The following CUL3 variants were observed in gnomAD, a reference collection of about 807,000 sequenced individuals.
CUL3 encodes cullin-3.
Under a neutral mutation model 89.1 loss-of-function variants are expected in CUL3, and 19 were observed. The ratio of observed to expected loss-of-function variants is 0.21; its 90% CI spans 0.15 to 0.31. The LOEUF (loss-of-function observed/expected upper bound fraction) is 0.31, where lower values mean the gene tolerates loss of function less well. Among genes scored for constraint, CUL3 ranks in the 10% least tolerant of loss-of-function variants. CUL3 has a pLI of 1.00. For missense variants in CUL3, 469 were observed against 942.3 expected (o/e 0.50, Z 6.58); for synonymous variants, 351 against 308.4 (o/e 1.14, Z -1.45).
chr2:224,513,554 A>G lies in CUL3; in HGVS notation c.624T>C (p.Pro208=), dbSNP rs1692921196. The change falls in exon 5 of 16, where the codon CCT becomes CCC. Residue 208 remains proline, a synonymous_variant. Transcript: ENST00000264414. The part of the protein sequence containing the change: ...RSVYEEDFEA[P]FLEMSAEFFQ... ...AAAATTCTGCAGACATTTCCAAAAA[A>G]GGAGCCTCAAAATCTTCTTCATAGA... The G allele has an allele frequency of 6.3e-7, 1 of 1,598,392 alleles. No homozygotes were observed. The highest frequency in any genetic ancestry group is 8.5e-7 in the Non-Finnish European group (1 of 1,175,586).
At chr2:224,509,933 T>C (rs1176266900) in intron 6 of CUL3, among the ~76,000 whole-genome samples, 2 of 152,352 alleles carry the variant, frequency 1.3e-5, no homozygotes, top group Admixed American at 6.5e-5. Flanking sequence ...CATCTATTTA[T>C]GTACAGCTCA....
intron 13 of CUL3, among the ~76,000 whole-genome samples, chr2:224,488,574 T>C (rs1691831450): frequency 6.6e-6 from 1 of 152,142 alleles, no homozygotes; most frequent in South Asian, 2.1e-4. Flanking sequence ...AGGAAGAAGT[T>C]GAATCCCTGA....
chr2:224,567,451 A>G (rs1695069361), intron 1 of CUL3, among the ~76,000 whole-genome samples: 1 of 151,926 alleles, frequency 6.6e-6, no homozygotes, highest in African/African-American at 2.4e-5. Flanking sequence ...TAAAACTTCT[A>G]GGCTTCGGCC....
intron 8 of CUL3, among the ~76,000 whole-genome samples, chr2:224,504,643 G>A (rs1429453730): frequency 6.6e-6 from 1 of 152,134 alleles, no homozygotes; most frequent in African/African-American, 2.4e-5. Flanking sequence ...AGGATTCTGT[G>A]GCAGGTTGTA....
chr2:224,503,418 C>T (rs1692466918), intron 9 of CUL3, among the ~76,000 whole-genome samples: 1 of 152,202 alleles, frequency 6.6e-6, no homozygotes, highest in South Asian at 2.1e-4. Context: ...ATCCTCCCTT[C>T]CAGGCCTCCA....
At chr2:224,484,140 C>A (rs1691633662) in intron 13 of CUL3, among the ~76,000 whole-genome samples, 1 of 152,010 alleles carries the variant, frequency 6.6e-6, no homozygotes, top group Admixed American at 6.6e-5. Context: ...CACTGCACTC[C>A]AGTCTGGGCA....
At chr2:224,556,706 T>G (rs980557086) in intron 2 of CUL3, among the ~76,000 whole-genome samples, 4 of 152,158 alleles carry the variant, frequency 2.6e-5, no homozygotes, top group Non-Finnish European at 4.4e-5. Flanking sequence ...TTTTGATCAT[T>G]GTTCTTTGGT....
intron 4 of CUL3, among the ~76,000 whole-genome samples, chr2:224,513,866 T>C (rs977484606): frequency 6.6e-6 from 1 of 152,212 alleles, no homozygotes; most frequent in African/African-American, 2.4e-5. Flanking sequence ...TACTCTAAAA[T>C]GTCTAAATAT....
intron 1 of CUL3, among the ~76,000 whole-genome samples, chr2:224,571,085 C>A (rs1695170605): frequency 6.6e-6 from 1 of 152,146 alleles, no homozygotes; most frequent in Non-Finnish European, 1.5e-5. Flanking sequence ...TAAGTACTCT[C>A]ACTGAGGTAA....
At chr2:224,512,915 G>A (rs970573119) in intron 5 of CUL3, among the ~76,000 whole-genome samples, 1 of 152,100 alleles carries the variant, frequency 6.6e-6, no homozygotes, top group African/African-American at 2.4e-5. Flanking sequence ...TCCATGAAGT[G>A]GATTTTCTTC....
At chr2:224,548,218 T>A (rs1247610204) in intron 2 of CUL3, among the ~76,000 whole-genome samples, 3 of 152,186 alleles carry the variant, frequency 2.0e-5, no homozygotes, top group Non-Finnish European at 2.9e-5. Context: ...TCCAAGTATG[T>A]AAGTCTAAAA....
chr2:224,578,484 A>T (rs1695361792), intron 1 of CUL3, among the ~76,000 whole-genome samples: 1 of 152,078 alleles, frequency 6.6e-6, no homozygotes, highest in South Asian at 2.1e-4. Context: ...TTATTTCCCT[A>T]CTTGTACATT....
At chr2:224,553,159 T>A (rs1054315885) in intron 2 of CUL3, among the ~76,000 whole-genome samples, 1 of 152,230 alleles carries the variant, frequency 6.6e-6, no homozygotes, top group Non-Finnish European at 1.5e-5. Flanking sequence ...CTTTCGATAG[T>A]GTCCCCTTCA....
Position 224,472,494 on chromosome 2 carries a change from T to C in CUL3, c.*1751A>G, listed in dbSNP as rs931705945. On this transcript the variant is annotated 3_prime_UTR_variant, in exon 16 of 16. Transcript: ENST00000264414. ...TACCATTATAGAAAATTTCCAATTA[T>C]GTCAAAATCAGAAGGTGAAACCCTT... 1 of 190,682 alleles carries C rather than the reference T, an allele frequency of 5.2e-6. No individual in the cohort carries two copies. The highest frequency in any genetic ancestry group is 1.1e-5 in the Non-Finnish European group (1 of 91,006). 11.8% of individuals were successfully genotyped at this position (190,682 alleles called of 1,614,324 possible). A position where few individuals can be genotyped will look rare whatever the true frequency, so the allele number is the denominator to read the frequency against.
chr2:224,585,269 A>T lies in CUL3; in HGVS notation c.-260T>A. 1 of 395,330 alleles carries T rather than the reference A, an allele frequency of 2.5e-6. No homozygotes were observed. Among genetic ancestry groups the T allele is most frequent in the Non-Finnish European group, 4.4e-6 (1 of 225,674 alleles). 24.5% of individuals were successfully genotyped at this position (395,330 alleles called of 1,614,324 possible). On this transcript the variant is annotated 5_prime_UTR_variant, in exon 1 of 16. Coordinates refer to ENST00000264414, the MANE Select transcript of CUL3 (RefSeq NM_003590.5). ...GCGGCGGCTCCGCGGGGTCCCCCTC[A>T]CGTCCGGCTCGGCTCCCTTTATCGC...
chr2:224,565,706 GCTCAT>G lies in CUL3; in HGVS notation c.67-7855_67-7851del, dbSNP rs894540500. 2.9e-4 allele frequency among the ~76,000 whole-genome samples: 44 copies of G among 152,176 alleles called. 1 individual carries two copies. The highest frequency in any genetic ancestry group is 3.9e-4 in the Admixed American group (6 of 15,284). On this transcript the variant is annotated intron_variant, in intron 1 of 15. Transcript: ENST00000264414. ...CATCATCTGTCACTGGTTCAGAAGC[GCTCAT>G]CTCCATCAAGTCATCTTCCGGTGTG...
chr2:224,503,950 A>G (rs958853178), intron 8 of CUL3, 128 bp from the exon 9 acceptor site: 22 of 676,822 alleles, frequency 3.3e-5, no homozygotes, highest in Non-Finnish European at 4.2e-5. Flanking sequence ...CATCAAAAAA[A>G]GGGATACGGT....
intron 13 of CUL3, among the ~76,000 whole-genome samples, chr2:224,487,314 A>G (rs2106162018): frequency 6.6e-6 from 1 of 152,258 alleles, no homozygotes; most frequent in Admixed American, 6.5e-5. Flanking sequence ...TAAAAGACAC[A>G]GACTGGCAAA....
intron 3 of CUL3, among the ~76,000 whole-genome samples, chr2:224,523,387 T>TAAA (rs35075378): frequency 2.1e-5 from 3 of 144,828 alleles, no homozygotes; most frequent in South Asian, 2.1e-4. Flanking sequence ...AGAGTTACTA[T>TAAA]AAAAAAAAAA....
Sources: gnomAD v4.1 joint callset for allele counts (sites outside exome capture counted in the v4.1 genomes callset) on GRCh38, gnomAD v4.1.1 for gene constraint, MANE v1.5 for transcripts, NCBI Gene and HGNC (gene_info 2026-07-23, HGNC 2026-07-21) for gene names.